Variants in SYT12 observed in about 807,000 individuals in gnomAD.
SYT12 encodes the protein synaptotagmin-12.
SYT12 carries 27 observed loss-of-function variants against 39.5 expected under a neutral mutation model. The observed-to-expected ratio is 0.68, with a 90% CI of 0.50 to 0.94. The LOEUF is 0.94. Ranked by LOEUF, SYT12 falls within the 40% of genes least tolerant of loss-of-function variation. SYT12 has a pLI of 0.00. For missense variants in SYT12, 536 were observed against 572.6 expected (o/e 0.94, Z 0.65); for synonymous variants, 233 against 239.7 (o/e 0.97, Z 0.26).
chr11:67,019,262 C>T (rs1431297559), upstream of SYT12, among the ~76,000 whole-genome samples: 1 of 151,908 alleles, frequency 6.6e-6, no homozygotes, highest in African/African-American at 2.4e-5. Flanking sequence ...CACCTGAGGT[C>T]GGAAGCTCGA....
At chr11:67,034,273 A>T (rs540037865) in intron 2 of SYT12, among the ~76,000 whole-genome samples, 1 of 152,264 alleles carries the variant, frequency 6.6e-6, no homozygotes, top group African/African-American at 2.4e-5. Flanking sequence ...CCTTTTCTGG[A>T]TATTATGTAC....
chr11:67,030,019 G>T, intron 1 of SYT12, 103 bp from the exon 2 acceptor site: 1 of 1,015,988 alleles, frequency 9.8e-7, no homozygotes, highest in South Asian at 1.4e-5. Context: ...ATAGCTGAGT[G>T]TAAGCTCTGG....
At chr11:67,017,419 G>A (rs2136196424) in intron 3 of SYT12, among the ~76,000 whole-genome samples, 1 of 150,918 alleles carries the variant, frequency 6.6e-6, no homozygotes, top group East Asian at 2.0e-4. Flanking sequence ...GAGTGCAGTA[G>A]TGCGAACTAG....
chr11:67,030,294 T>C, intron 2 of SYT12, 116 bp downstream of exon 2: 2 of 1,226,966 alleles, frequency 1.6e-6, no homozygotes, highest in Non-Finnish European at 1.1e-6. Flanking sequence ...ATGTCTTCAC[T>C]GTCAAGGACA....
In SYT12 at chr11:67,011,915, A is replaced by G. The variant is rs549174690; in HGVS notation, c.-69+921A>G. On this transcript the variant is annotated intron_variant, in intron 3 of 10. Transcript: ENST00000393946. Reference sequence around the variant, plus strand: ...CGAGTAGGTGGGATTAATGGCGCCCACCACCACGTCCGGCTAATTTTTTAT... The same window carrying G: ...CGAGTAGGTGGGATTAATGGCGCCCGCCACCACGTCCGGCTAATTTTTTAT... 4.0e-5 allele frequency among the ~76,000 whole-genome samples: 6 copies of G among 151,690 alleles called. No homozygotes were observed. In the South Asian group the frequency reaches 1.0e-3, roughly 26 times the overall value.
upstream of SYT12, among the ~76,000 whole-genome samples, chr11:67,022,265 T>A (rs962554676): frequency 5.9e-5 from 9 of 151,912 alleles, no homozygotes; most frequent in African/African-American, 2.2e-4. Flanking sequence ...AGGCCCAGAG[T>A]GTAGATGAGC....
intron 1 of SYT12, among the ~76,000 whole-genome samples, chr11:67,007,917 C>G (rs1949984047): frequency 6.6e-6 from 1 of 150,954 alleles, no homozygotes; most frequent in Admixed American, 6.6e-5. Flanking sequence ...TCATTTTTGA[C>G]AAGGAGCACT....
At chr11:67,045,034 G>A (rs921025183) in intron 6 of SYT12, among the ~76,000 whole-genome samples, 7 of 152,018 alleles carry the variant, frequency 4.6e-5, no homozygotes, top group Non-Finnish European at 7.4e-5. Flanking sequence ...ACCAAGGTGG[G>A]CATCTGTTCC....
chr11:67,034,858 A>G lies in SYT12; in HGVS notation c.228+20A>G, dbSNP rs774476974. On this transcript the variant is annotated intron_variant, in intron 3 of 7. Transcript: ENST00000527043. ...GAGAAGGTGAGGCTTCTGCTCCTGCAGGTGCACAGCGAGTGCAACCCCATG... is the reference window on the plus strand; with the variant it reads ...GAGAAGGTGAGGCTTCTGCTCCTGCGGGTGCACAGCGAGTGCAACCCCATG... The G allele has an allele frequency of 6.6e-7, 1 of 1,508,374 alleles. No individual in the cohort carries two copies. Among genetic ancestry groups the G allele is most frequent in the Non-Finnish European group, 8.8e-7 (1 of 1,134,066 alleles). 93.4% of individuals were successfully genotyped at this position (1,508,374 alleles called of 1,614,324 possible).
intron 7 of SYT12, among the ~76,000 whole-genome samples, chr11:67,047,821 T>A (rs1854608471): frequency 8.3e-6 from 1 of 120,738 alleles, no homozygotes; most frequent in Non-Finnish European, 1.6e-5. Flanking sequence ...GGAGTCTCGC[T>A]CTTTCGCCCA....
At chr11:67,032,058 C>T (rs1487767649) in intron 2 of SYT12, 4 of 152,238 alleles carry the variant, frequency 2.6e-5, no homozygotes, top group Non-Finnish European at 5.9e-5. Context: ...GCCCTTCCAC[C>T]GTCGTTACCC....
chr11:67,028,292 G>A (rs1950208953), intron 1 of SYT12: 1 of 152,192 alleles, frequency 6.6e-6, no homozygotes, highest in African/African-American at 2.4e-5. Context: ...CCCAGGCCCA[G>A]GAATGAGCTT....
upstream of SYT12, among the ~76,000 whole-genome samples, chr11:67,018,628 C>T (rs1232124387): frequency 6.6e-6 from 1 of 152,130 alleles, no homozygotes; most frequent in Non-Finnish European, 1.5e-5. Flanking sequence ...CAAGACCATC[C>T]TGGCTAACAT....
chr11:67,020,921 A>G (rs979346022), upstream of SYT12, among the ~76,000 whole-genome samples: 2 of 152,096 alleles, frequency 1.3e-5, no homozygotes, highest in East Asian at 1.9e-4. Context: ...TAGAGACGGC[A>G]TTTCACCTTG....
intron 4 of SYT12, among the ~76,000 whole-genome samples, 167 bp from the exon 5 acceptor site, chr11:67,043,471 G>A (rs1164662394): frequency 6.6e-6 from 1 of 152,144 alleles, no homozygotes; most frequent in Non-Finnish European, 1.5e-5. Context: ...AGGACAGGAG[G>A]CTTTTAAACC....
At chr11:67,007,274 G>T (rs991302106) in exon 1 of SYT12, 2 of 152,252 alleles carry the variant, frequency 1.3e-5, no homozygotes, top group Non-Finnish European at 2.9e-5. Context: ...ATCCCTAAGG[G>T]GAGCCTGAGA....
At chr11:67,023,022 C>T (rs1309134752), upstream of SYT12, 3 of 152,306 alleles carry the variant, frequency 2.0e-5, no homozygotes, top group Non-Finnish European at 4.4e-5. Flanking sequence ...CAGTGCTTGG[C>T]CTGCCTCTCA....
At position 67,037,491 on chromosome 11, in the gene SYT12, G is replaced by A. The variant is rs370553111; in HGVS notation, c.229-2320G>A. ...TTTGGGTAGCCAAGGCAGAAGGATC[G>A]CTTGAGCCCAGGAGTTGGAGACTGG... On this transcript the variant is annotated intron_variant, in intron 3 of 7. Transcript: ENST00000527043. 3.8e-4 allele frequency among the ~76,000 whole-genome samples: 58 copies of A among 151,886 alleles called. 3 individuals are homozygous for A. The South Asian group carries it at 0.011, about 28-fold the overall frequency.
In SYT12 at chr11:67,045,888, C is replaced by T; in HGVS notation, c.1092+11C>T. ...GCCATTGTGCTCCAGGTGAGGGGGG[C>T]TGGGGGATGGGAAGGGGCCAGGTCA... On this transcript the variant is annotated intron_variant, in intron 7 of 7. Coordinates refer to ENST00000527043, the MANE Select transcript of SYT12 (RefSeq NM_177963.4). The T allele has an allele frequency of 6.2e-7, 1 of 1,613,152 alleles. No homozygotes were observed. Among genetic ancestry groups the T allele is most frequent in the African/African-American group, 1.3e-5 (1 of 74,778 alleles).
Sources: gnomAD v4.1 joint callset for allele counts (sites outside exome capture counted in the v4.1 genomes callset) on GRCh38, gnomAD v4.1.1 for gene constraint, MANE v1.5 for transcripts, NCBI Gene and HGNC (gene_info 2026-07-23, HGNC 2026-07-21) for gene names.